NOTCH3: variants seen among roughly 807,000 people sequenced by gnomAD.
NOTCH3 encodes notch receptor 3.
In NOTCH3, 86 loss-of-function variants were observed where a neutral mutation model predicts 213.3. That is an observed-to-expected ratio of 0.40 (90% CI 0.34 to 0.48). The LOEUF (loss-of-function observed/expected upper bound fraction) is 0.48, where lower values mean the gene tolerates loss of function less well. NOTCH3 is among the 20% of genes least tolerant of loss of function. The probability of loss-of-function intolerance (pLI) is 0.57; values close to 1 mark genes in which losing one functional copy is unlikely to be tolerated. For missense variants in NOTCH3, 2,783 were observed against 3,272.6 expected, an observed-to-expected ratio of 0.85 and a Z score of 3.65; for synonymous variants, 1,354 against 1,355.9, an observed-to-expected ratio of 1.00 and a Z score of 0.03.
At chr19:15,183,930 T>C (rs1381866268) in intron 16 of NOTCH3, among the ~76,000 whole-genome samples, 1 of 148,290 alleles carries the variant, frequency 6.7e-6, no homozygotes, top group Non-Finnish European at 1.5e-5. Context: ...TGTGCGCCTA[T>C]AGTCGCAGCC....
rs557100353 is a variant in NOTCH3, at chr19:15,197,687, G to C, written c.119-109C>G. On this transcript the variant is annotated intron_variant, in intron 1 of 32. Transcript: ENST00000263388. ...ACCAGGCAACAGCTGCATGGGGATG[G>C]GGGCGTCTCTGCGGGTGCAGGGAGT... 6.4e-4 allele frequency: 573 copies of C among 890,630 alleles called. 2 individuals are homozygous for C. The African/African-American group carries it at 9.1e-3, about 14-fold the overall frequency. The allele number at this position is 890,630 out of a possible 1,614,324, so 55.2% of individuals were successfully genotyped here. A position where few individuals can be genotyped will look rare whatever the true frequency, so the allele number is the denominator to read the frequency against.
intron 8 of NOTCH3, 77 bp downstream of exon 8, chr19:15,188,912 G>T: frequency 6.9e-7 from 1 of 1,449,502 alleles, no homozygotes; most frequent in Non-Finnish European, 9.4e-7. Context: ...ACCCCATTCT[G>T]CTCAGCTCCC....
chr19:15,160,655 G>A lies in NOTCH3; in HGVS notation c.*7C>T, dbSNP rs541033822. ...AGGCCCCCAAGATCTAAGAACTGAC[G>A]AGCGTCTCAGGCCAACACTTGCCTC... On this transcript the variant is annotated 3_prime_UTR_variant, in exon 33 of 33. Coordinates refer to ENST00000263388, the MANE Select transcript of NOTCH3 (RefSeq NM_000435.3). 1.8e-5 allele frequency: 29 copies of A among 1,610,656 alleles called. No homozygotes were observed. In the South Asian group the frequency reaches 2.4e-4, roughly 13 times the overall value.
chr19:15,172,662 CT>C (rs1197860452), intron 25 of NOTCH3, among the ~76,000 whole-genome samples: 5 of 149,678 alleles, frequency 3.3e-5, no homozygotes, highest in South Asian at 2.1e-4. Flanking sequence ...TATATTTTTT[CT>C]TTTTCTTTTT....
intron 8 of NOTCH3, 138 bp downstream of exon 8, chr19:15,188,851 C>A: frequency 2.4e-6 from 2 of 839,142 alleles, no homozygotes; most frequent in Non-Finnish European, 3.8e-6. Context: ...GTCCTGACCC[C>A]ACCTCCTTCC....
At chr19:15,176,881 G>A (rs909331092) in intron 24 of NOTCH3, among the ~76,000 whole-genome samples, 3 of 150,960 alleles carry the variant, frequency 2.0e-5, no homozygotes, top group African/African-American at 7.3e-5. Context: ...GAGCAGCCTG[G>A]CCAATATGGT....
In NOTCH3 at chr19:15,160,471, A is replaced by C. The variant is rs2046630616; in HGVS notation, c.*191T>G. 7.9e-6 allele frequency: 5 copies of C among 629,112 alleles called. No individual in the cohort carries two copies. The Admixed American group carries it at 1.3e-4, about 16-fold the overall frequency. 39.0% of individuals were successfully genotyped at this position (629,112 alleles called of 1,614,324 possible). A position where few individuals can be genotyped will look rare whatever the true frequency, so the allele number is the denominator to read the frequency against. On this transcript the variant is annotated 3_prime_UTR_variant, in exon 33 of 33. Transcript: ENST00000263388. ...AGAGGGTGGGTGGTAGCCCCCACCC[A>C]TTATAAATAAAGGAAGACTGAAGCC...
intron 1 of NOTCH3, among the ~76,000 whole-genome samples, chr19:15,200,379 G>A (rs977103487): frequency 6.6e-6 from 1 of 151,582 alleles, no homozygotes; most frequent in Non-Finnish European, 1.5e-5. Context: ...TCGGGGGCGG[G>A]GTGGGGGGGC....
Position 15,165,733 on chromosome 19 carries a change from G to A in NOTCH3, c.5667+54C>T, listed in dbSNP as rs2046680245. ...AAGGCAGAACTGGGGCTCAAACCCA[G>A]GTAAGTCTAATGCCTGCCCCAGCTC... On this transcript the variant is annotated intron_variant, in intron 30 of 32. Coordinates refer to ENST00000263388, the MANE Select transcript of NOTCH3 (RefSeq NM_000435.3). The surrounding 1 kb of genome is among the most constrained non-coding windows in gnomAD (Gnocchi z 4.7). 1 of 1,587,646 alleles carries A rather than the reference G, an allele frequency of 6.3e-7. No homozygotes were observed.
At chr19:15,195,940 G>C (rs1219923450) in intron 2 of NOTCH3, among the ~76,000 whole-genome samples, 2 of 151,584 alleles carry the variant, frequency 1.3e-5, no homozygotes, top group African/African-American at 2.4e-5. Flanking sequence ...CTAGTTAGGG[G>C]GGGCACGGCG....
intron 17 of NOTCH3, 57 bp downstream of exon 17, chr19:15,181,519 G>A: frequency 1.4e-6 from 2 of 1,445,536 alleles, no homozygotes; most frequent in South Asian, 2.5e-5. Flanking sequence ...TTCGTCCCAG[G>A]TCCCAGGCCC....
chr19:15,174,043 G>A (rs371174821), intron 25 of NOTCH3, 25 bp downstream of exon 25: 16 of 1,534,376 alleles, frequency 1.0e-5, no homozygotes, highest in African/African-American at 9.6e-5. Context: ...CAGCCACCAC[G>A]GCTTTTCCAG....
intron 25 of NOTCH3, 35 bp from the exon 26 acceptor site, chr19:15,170,860 A>G (rs1284228590): frequency 1.2e-6 from 2 of 1,609,958 alleles, no homozygotes; most frequent in Non-Finnish European, 1.7e-6. Flanking sequence ...AGAGGGCTCA[A>G]AAATTGCCCG....
At position 15,179,379 on chromosome 19, in the gene NOTCH3, G is replaced by A; in HGVS notation, c.3445C>T (p.Pro1149Ser). The A allele has an allele frequency of 1.2e-6, 2 of 1,614,070 alleles. No homozygotes were observed. Among genetic ancestry groups the A allele is most frequent in the Non-Finnish European group, 1.7e-6 (2 of 1,180,028 alleles). The change falls in exon 21 of 33, where the codon CCC becomes TCC. Residue 1149 changes from proline (P) to serine (S), a missense_variant. By Grantham distance (74) the Pro-to-Ser change is moderately conservative. Coordinates refer to ENST00000263388, the MANE Select transcript of NOTCH3 (RefSeq NM_000435.3). ...CCTGGCATACCCAGCGTTCCTGGGG[G>A]ACAGGAGCAGAGATAGCGGGCCACG... ...DLVARYLCSC[P>S]PGTLGVLCEI...
intron 25 of NOTCH3, among the ~76,000 whole-genome samples, chr19:15,173,820 A>G (rs895727859): frequency 6.0e-5 from 9 of 150,228 alleles, no homozygotes; most frequent in Non-Finnish European, 8.9e-5. Context: ...AACCCTACAC[A>G]TGTATTTAAC....
intron 2 of NOTCH3, among the ~76,000 whole-genome samples, chr19:15,193,827 T>C (rs2145446165): frequency 7.0e-6 from 1 of 143,692 alleles, no homozygotes; most frequent in Non-Finnish European, 1.5e-5. Context: ...CTCATGCCTG[T>C]AATCCCAGCA....
Position 15,162,813 on chromosome 19 carries a change from T to C in NOTCH3, c.5816-251A>G, listed in dbSNP as rs757474. Among the ~76,000 whole-genome samples, 136,816 of 151,962 alleles carry C rather than the reference T, an allele frequency of 0.9. 61,897 individuals are homozygous for C. The highest frequency in any genetic ancestry group is 0.97 in the African/African-American group (40,269 of 41,440). ...TGTGTGCGTGCATGTGCATGACTGTTTATACACAGGGGGTGCTGTGTGGAC... is the reference window on the plus strand; with the variant it reads ...TGTGTGCGTGCATGTGCATGACTGTCTATACACAGGGGGTGCTGTGTGGAC... On this transcript the variant is annotated intron_variant, in intron 31 of 32. Coordinates refer to ENST00000263388, the MANE Select transcript of NOTCH3 (RefSeq NM_000435.3).
intron 23 of NOTCH3, chr19:15,178,332 C>A (rs1054897677): frequency 5.9e-6 from 3 of 509,702 alleles, no homozygotes; most frequent in Middle Eastern, 5.1e-4. Context: ...GCCACGCCCC[C>A]CAATCACCAT....
In NOTCH3 at chr19:15,175,986, T is replaced by C. The variant is rs148774957; in HGVS notation, c.4403+1539A>G. On this transcript the variant is annotated intron_variant, in intron 24 of 32. Transcript: ENST00000263388. ...GGGGCAGGGTGTAGGGATGGACAGA[T>C]GGACTGCCTAGGACAGACAGAGAGA... Among the ~76,000 whole-genome samples the C allele has an allele frequency of 1.0e-4, 15 of 150,568 alleles. No individual in the cohort carries two copies. In the East Asian group the frequency reaches 2.9e-3, roughly 30 times the overall value.
Sources: gnomAD v4.1 joint callset for allele counts (sites outside exome capture counted in the v4.1 genomes callset) on GRCh38, gnomAD v4.1.1 for gene constraint, Gnocchi (gnomAD v3.1) non-coding constraint, MANE v1.5 for transcripts, NCBI Gene and HGNC (gene_info 2026-07-23, HGNC 2026-07-21) for gene names.